The following SUPT3H variants were observed in gnomAD, a reference collection of about 807,000 sequenced individuals.
The protein encoded by SUPT3H is transcription initiation protein SPT3 homolog.
Under a neutral mutation model 44.3 loss-of-function variants are expected in SUPT3H, and 44 were observed. The observed-to-expected ratio is 0.99, with a 90% confidence interval of 0.78 to 1.28. The LOEUF is 1.28. Ranked by LOEUF, SUPT3H falls within the 50% of genes most tolerant of loss-of-function variation. SUPT3H has a pLI of 0.00. For missense variants in SUPT3H, 380 were observed against 387.1 expected, an observed-to-expected ratio of 0.98 and a Z score of 0.15; for synonymous variants, 124 against 125.6, an observed-to-expected ratio of 0.99 and a Z score of 0.09.
rs1803064596 is a variant in SUPT3H at position 45,129,437 on chromosome 6, G to GAGATCTA, written c.102-23432_102-23431insTAGATCT. ...TCGCACAACAAATTTCTAGTTATGT[G>GAGATCTA]GTCTCACACTTCAAATTCTTGGTTT... On this transcript the variant is annotated intron_variant, in intron 2 of 10. Coordinates refer to ENST00000371459, the MANE Select transcript of SUPT3H (RefSeq NM_003599.4). Among the ~76,000 whole-genome samples, 4 of 152,178 alleles carry GAGATCTA rather than the reference G, an allele frequency of 2.6e-5. 1 individual carries two copies. In the South Asian group the frequency reaches 8.3e-4, roughly 32 times the overall value.
chr6:45,045,705 A>G (rs1789282951), intron 3 of SUPT3H, among the ~76,000 whole-genome samples: 1 of 152,104 alleles, frequency 6.6e-6, no homozygotes, highest in Non-Finnish European at 1.5e-5. Flanking sequence ...CTGGTCATTC[A>G]CATATATTCT....
chr6:45,030,119 CTAT>C (rs1786682341), intron 3 of SUPT3H, among the ~76,000 whole-genome samples: 1 of 152,088 alleles, frequency 6.6e-6, no homozygotes, highest in Non-Finnish European at 1.5e-5. Context: ...TACAATTTGA[CTAT>C]TTACTGAATC....
chr6:45,320,338 A>G (rs1465355975), intron 2 of SUPT3H, among the ~76,000 whole-genome samples: 1 of 151,988 alleles, frequency 6.6e-6, no homozygotes, highest in Non-Finnish European at 1.5e-5. Flanking sequence ...TACACAGCTC[A>G]CTGCAGCCTG....
rs1406433106 is a variant in SUPT3H, at chr6:44,928,884, A to AAATAAAAAT, written c.912+3768_912+3769insATTTTTATT. 3.0e-5 allele frequency among the ~76,000 whole-genome samples: 3 copies of AAATAAAAAT among 98,606 alleles called. No individual in the cohort carries two copies. The Admixed American group carries it at 3.1e-4, about 10-fold the overall frequency. The allele number at this position is 98,606 out of a possible 152,430, so 64.7% of individuals were successfully genotyped here. On this transcript the variant is annotated intron_variant, in intron 10 of 10. Coordinates refer to ENST00000371459, the MANE Select transcript of SUPT3H (RefSeq NM_003599.4). ...GGCGACAGAACGAGACTCCGTCTCA[A>AAATAAAAAT]AAAAAAAAAAAAAAAAAAAAGAAAA...
chr6:44,894,049 G>A (rs769874686), intron 10 of SUPT3H, among the ~76,000 whole-genome samples: 228 of 136,476 alleles, frequency 1.7e-3, no homozygotes, highest in Non-Finnish European at 2.7e-3. Context: ...CATGTCCTTC[G>A]CCCACTTTTT....
intron 6 of SUPT3H, among the ~76,000 whole-genome samples, chr6:44,969,520 C>T (rs1339587785): frequency 6.6e-6 from 1 of 151,728 alleles, no homozygotes; most frequent in Non-Finnish European, 1.5e-5. Context: ...ACTGTGCACA[C>T]ATAAAAATAA....
At chr6:45,016,052 A>G (rs937120256) in intron 4 of SUPT3H, among the ~76,000 whole-genome samples, 1 of 152,150 alleles carries the variant, frequency 6.6e-6, no homozygotes, top group Admixed American at 6.6e-5. Flanking sequence ...TACATAAACA[A>G]GTAACAATCA....
chr6:44,982,110 CTAAGATT>C (rs2153490377), intron 6 of SUPT3H, among the ~76,000 whole-genome samples: 1 of 152,182 alleles, frequency 6.6e-6, no homozygotes, highest in African/African-American at 2.4e-5. Context: ...TTTCATAGTT[CTAAGATT>C]TAAGAGATAA....
intron 2 of SUPT3H, among the ~76,000 whole-genome samples, chr6:45,200,174 G>A (rs1762257560): frequency 6.6e-6 from 1 of 151,462 alleles, no homozygotes. Context: ...AATACTCAGT[G>A]TAAATATTTG....
At chr6:45,242,443 A>T (rs1770537398) in intron 2 of SUPT3H, among the ~76,000 whole-genome samples, 1 of 152,196 alleles carries the variant, frequency 6.6e-6, no homozygotes, top group Admixed American at 6.5e-5. Flanking sequence ...GACAAAATTC[A>T]CAACACAAGA....
chr6:45,307,300 G>A (rs1325380278), intron 2 of SUPT3H, among the ~76,000 whole-genome samples: 1 of 152,220 alleles, frequency 6.6e-6, no homozygotes, highest in Non-Finnish European at 1.5e-5. Flanking sequence ...CTGGAGGTCT[G>A]AGAACAGACA....
intron 6 of SUPT3H, among the ~76,000 whole-genome samples, chr6:44,987,038 G>A (rs1046788356): frequency 6.6e-6 from 1 of 152,060 alleles, no homozygotes; most frequent in African/African-American, 2.4e-5. Context: ...AAGGCTAGAG[G>A]TTCAACATCA....
chr6:45,256,167 T>C (rs1773364340), intron 2 of SUPT3H, among the ~76,000 whole-genome samples: 1 of 152,108 alleles, frequency 6.6e-6, no homozygotes, highest in South Asian at 2.1e-4. Flanking sequence ...CAAGACTCTG[T>C]CTCAAAAAAT....
At chr6:44,832,104 T>G (rs1314870908) in intron 10 of SUPT3H, among the ~76,000 whole-genome samples, 1 of 152,128 alleles carries the variant, frequency 6.6e-6, no homozygotes, top group African/African-American at 2.4e-5. Flanking sequence ...TTCCTTTTGA[T>G]GTACAAAGGA....
rs1785949426 is a variant in SUPT3H at position 45,026,037 on chromosome 6, C to A, written c.187-5405G>T. Reference sequence around the variant, plus strand: ...GTCCTTTTTGAAGATAAATGGTAAACGGTAGGAGTTGTGGTGAGCTAGTAT... The same window carrying A: ...GTCCTTTTTGAAGATAAATGGTAAAAGGTAGGAGTTGTGGTGAGCTAGTAT... On this transcript the variant is annotated intron_variant, in intron 3 of 10. Coordinates refer to ENST00000371459, the MANE Select transcript of SUPT3H (RefSeq NM_003599.4). Among the ~76,000 whole-genome samples the A allele has an allele frequency of 2.6e-5, 4 of 152,092 alleles. No homozygotes were observed. In the South Asian group the frequency reaches 8.3e-4, roughly 32 times the overall value.
At chr6:45,161,029 T>G (rs1808870963) in intron 2 of SUPT3H, among the ~76,000 whole-genome samples, 1 of 151,998 alleles carries the variant, frequency 6.6e-6, no homozygotes, top group Non-Finnish European at 1.5e-5. Flanking sequence ...GAGCTCTGGT[T>G]GTTTAAGTGT....
intron 2 of SUPT3H, among the ~76,000 whole-genome samples, chr6:45,187,699 T>C (rs1374736405): frequency 6.6e-6 from 1 of 152,158 alleles, no homozygotes; most frequent in African/African-American, 2.4e-5. Flanking sequence ...ATTACTGTTA[T>C]ACCAAGACAA....
chr6:45,305,613 T>C (rs904469268), intron 2 of SUPT3H, among the ~76,000 whole-genome samples: 3 of 152,222 alleles, frequency 2.0e-5, no homozygotes, highest in African/African-American at 7.2e-5. Flanking sequence ...TTCTGGTCCC[T>C]TCTAATATAC....
At chr6:44,893,016 G>A (rs1258643898) in intron 10 of SUPT3H, among the ~76,000 whole-genome samples, 1 of 151,968 alleles carries the variant, frequency 6.6e-6, no homozygotes, top group African/African-American at 2.4e-5. Context: ...AATACAAAAT[G>A]TATGTAGGAA....
Sources: allele counts gnomAD v4.1 joint callset (sites outside exome capture counted in the v4.1 genomes callset), GRCh38; gene constraint gnomAD v4.1.1; transcripts MANE v1.5; gene names NCBI Gene and HGNC (gene_info 2026-07-23, HGNC 2026-07-21).